The following MCF2 variants were observed in gnomAD, a reference collection of about 807,000 sequenced individuals.
MCF2 encodes the protein proto-oncogene DBL.
Under a neutral mutation model 82.5 loss-of-function variants are expected in MCF2, and 44 were observed. That is an observed-to-expected ratio of 0.53 (90% CI 0.42 to 0.69). The LOEUF is 0.69. Among genes scored for constraint, MCF2 ranks in the 30% least tolerant of loss-of-function variants. MCF2 has a pLI of 0.00. For missense variants in MCF2, 623 were observed against 663.1 expected, an observed-to-expected ratio of 0.94 and a Z score of 0.66; for synonymous variants, 217 against 224.9, an observed-to-expected ratio of 0.96 and a Z score of 0.32.
chrX:139,651,609 A>C lies in MCF2; in HGVS notation c.25+111T>G, dbSNP rs1392291642. The C allele has an allele frequency of 9.8e-6, 4 of 409,496 alleles. No homozygotes were observed. In the African/African-American group the frequency reaches 1.0e-4, roughly 10 times the overall value. 33.7% of individuals were successfully genotyped at this position (409,496 alleles called of 1,213,427 possible). A position where few individuals can be genotyped will look rare whatever the true frequency, so the allele number is the denominator to read the frequency against. On this transcript the variant is annotated intron_variant, in intron 2 of 27. Coordinates refer to the MCF2 transcript ENST00000414978. ...TTGAAATAGTGCTTCTCAAATGAAT[A>C]TATATAATAGCTCTATATATAGAGA... is the stretch of plus-strand genomic sequence containing the variant.
chrX:139,675,816 A>G (rs772489684), intron 1 of MCF2, among the ~76,000 whole-genome samples: 1 of 112,345 alleles, frequency 8.9e-6, no homozygotes, highest in Non-Finnish European at 1.9e-5. Flanking sequence ...CTGTTCTCCG[A>G]GCTCAAACAC....
At chrX:139,585,369 T>C (rs1225616946) in intron 23 of MCF2, among the ~76,000 whole-genome samples, 191 bp from the exon 28 acceptor site, 1 of 110,990 alleles carries the variant, frequency 9.0e-6, no homozygotes, top group Non-Finnish European at 1.9e-5. Context: ...GGAAAAGTCA[T>C]TGTCATCTTT....
chrX:139,606,215 T>G lies in MCF2; in HGVS notation c.1491-436A>C, dbSNP rs757817945. 1.1e-4 allele frequency among the ~76,000 whole-genome samples: 12 copies of G among 109,349 alleles called. No homozygotes were observed. In the South Asian group the frequency reaches 2.3e-3, roughly 21 times the overall value. 95.0% of individuals were successfully genotyped at this position (109,349 alleles called of 115,157 possible). A position where few individuals can be genotyped will look rare whatever the true frequency, so the allele number is the denominator to read the frequency against. On this transcript the variant is annotated intron_variant, in intron 12 of 24. Transcript: ENST00000370576. The stretch of plus-strand genomic sequence containing the variant: ...GCATAGTTTATGAACTTTAATACCC[T>G]TTTTTTCCCTAAAAAATAAGTATTA...
intron 3 of MCF2, among the ~76,000 whole-genome samples, 177 bp downstream of exon 6, chrX:139,631,218 A>G (rs1932911420): frequency 8.9e-6 from 1 of 111,736 alleles, no homozygotes; most frequent in Non-Finnish European, 1.9e-5. Flanking sequence ...GATATTGCCT[A>G]TGGAAGAAAA....
At chrX:139,702,875 C>A (rs141511996) in intron 1 of MCF2, among the ~76,000 whole-genome samples, 1,273 of 111,834 alleles carry the variant, frequency 0.011, 26 homozygotes, top group African/African-American at 0.038. Flanking sequence ...GACTTATTAC[C>A]CCATCTGTTG....
At chrX:139,632,575 AG>A (rs1353250289) in intron 1 of MCF2, 121 bp from the exon 5 acceptor site, 1 of 487,351 alleles carries the variant, frequency 2.1e-6, no homozygotes, top group Non-Finnish European at 3.3e-6. Flanking sequence ...AGCCAGTAAA[AG>A]GCCAACACTT....
At chrX:139,668,020 C>T (rs1028331525) in intron 1 of MCF2, among the ~76,000 whole-genome samples, 1 of 111,748 alleles carries the variant, frequency 8.9e-6, no homozygotes, top group Non-Finnish European at 1.9e-5. Context: ...GCTGTAGGAG[C>T]CCCATGACTC....
intron 1 of MCF2, among the ~76,000 whole-genome samples, chrX:139,667,924 G>A (rs1157125353): frequency 8.9e-6 from 1 of 112,111 alleles, no homozygotes; most frequent in Non-Finnish European, 1.9e-5. Flanking sequence ...GGGAGGCCAA[G>A]GCAGGAGGAT....
At position 139,585,034 on chromosome X, in the gene MCF2, C is replaced by A. The variant is rs760497203; in HGVS notation, c.2745+32G>T. On this transcript the variant is annotated intron_variant, in intron 24 of 24. Coordinates refer to ENST00000370576, the Ensembl canonical transcript of MCF2. ...CTATATTTCATCAGTAAAACTGCCT[C>A]AATAATTTTAATTTACTATATTATT... 3.9e-6 allele frequency: 4 copies of A among 1,028,696 alleles called. No homozygotes were observed. In the South Asian group the frequency reaches 6.6e-5, roughly 17 times the overall value. The allele number at this position is 1,028,696 out of a possible 1,213,427, so 84.8% of individuals were successfully genotyped here. A position where few individuals can be genotyped will look rare whatever the true frequency, so the allele number is the denominator to read the frequency against.
At chrX:139,654,127 T>C (rs1934120755) in intron 1 of MCF2, among the ~76,000 whole-genome samples, 2 of 111,861 alleles carry the variant, frequency 1.8e-5, no homozygotes, top group South Asian at 3.8e-4. Context: ...ATCTCTTCAA[T>C]ATATTGACTT....
At chrX:139,686,453 C>T (rs748798449) in intron 1 of MCF2, among the ~76,000 whole-genome samples, 1 of 109,573 alleles carries the variant, frequency 9.1e-6, no homozygotes, top group Non-Finnish European at 1.9e-5. Flanking sequence ...GCGTGGGAGG[C>T]GGAGGTTGCA....
intron 1 of MCF2, among the ~76,000 whole-genome samples, chrX:139,684,209 C>T (rs1935068909): frequency 8.9e-6 from 1 of 112,092 alleles, no homozygotes; most frequent in Non-Finnish European, 1.9e-5. Context: ...ATATAAATGG[C>T]CAATAAGCAC....
intron 10 of MCF2, 111 bp downstream of exon 13, chrX:139,614,770 A>G (rs1022567544): frequency 1.5e-5 from 11 of 737,624 alleles, no homozygotes; most frequent in Non-Finnish European, 2.2e-5. Context: ...AAAGATGCTA[A>G]AGTGAAATTT....
chrX:139,632,416 TAAAACC>T (rs1932972404), exon 2 of MCF2: 1 of 1,203,379 alleles, frequency 8.3e-7, no homozygotes, highest in Non-Finnish European at 1.1e-6. Context: ...TGGTAGGACG[TAAAACC>T]AAAACCAAGT....
chrX:139,696,649 C>T (rs1032839454), intron 1 of MCF2, among the ~76,000 whole-genome samples: 2 of 111,223 alleles, frequency 1.8e-5, no homozygotes, highest in Non-Finnish European at 3.8e-5. Context: ...GGCTAGTCCC[C>T]AACTCCTGTC....
rs767390650 is a variant in MCF2 at position 139,672,643 on chromosome X, T to C, written c.-44-20855A>G. Among the ~76,000 whole-genome samples, 287 of 112,217 alleles carry C rather than the reference T, an allele frequency of 2.6e-3. 1 individual carries two copies. The highest frequency in any genetic ancestry group is 3.4e-3 in the Non-Finnish European group (181 of 53,229). ...TATTGATTTGCATATGTTGAACCAG[T>C]CTGGCATCCCAGGGATGAAGCCAAC... is the stretch of plus-strand genomic sequence containing the variant. On this transcript the variant is annotated intron_variant, in intron 1 of 27. Transcript: ENST00000414978.
chrX:139,701,949 G>A (rs1277987854), intron 1 of MCF2, among the ~76,000 whole-genome samples: 1 of 111,569 alleles, frequency 9.0e-6, no homozygotes, highest in Non-Finnish European at 1.9e-5. Flanking sequence ...CTCCAACCGC[G>A]CTGGCCTTCT....
At chrX:139,704,718 A>C (rs1935559607) in intron 1 of MCF2, among the ~76,000 whole-genome samples, 1 of 111,602 alleles carries the variant, frequency 9.0e-6, no homozygotes, top group African/African-American at 3.3e-5. Flanking sequence ...ACTACAAAAC[A>C]CTGATGAAAG....
upstream of MCF2, chrX:139,645,496 T>C (rs1403489816): frequency 9.8e-6 from 6 of 609,438 alleles, no homozygotes; most frequent in Non-Finnish European, 1.5e-5. Flanking sequence ...CAAAGTAATC[T>C]ATACCTCCCA....
Sources: gnomAD v4.1 joint callset for allele counts (sites outside exome capture counted in the v4.1 genomes callset) on GRCh38, gnomAD v4.1.1 for gene constraint, MANE v1.5 for transcripts, NCBI Gene and HGNC (gene_info 2026-07-23, HGNC 2026-07-21) for gene names.